PGAP6: variants seen among roughly 807,000 people sequenced by gnomAD.
PGAP6 encodes post-GPI attachment to proteins factor 6.
A neutral mutation model predicts 68.4 loss-of-function variants in PGAP6; 62 were observed. That is an observed-to-expected ratio of 0.91 (90% confidence interval 0.74 to 1.12). PGAP6 has a LOEUF of 1.12. Among genes scored for constraint, PGAP6 ranks in the 50% most tolerant of loss-of-function variants. The probability of loss-of-function intolerance (pLI) is 0.00; values close to 1 mark genes in which losing one functional copy is unlikely to be tolerated. For missense variants in PGAP6, 1,188 were observed against 1,068.5 expected (o/e 1.11, Z -1.56); for synonymous variants, 575 against 474.0 (o/e 1.21, Z -2.77).
chr16:377,105 G>C lies in PGAP6; in HGVS notation c.567C>G (p.Val189=). 9 of 1,613,608 alleles carry C rather than the reference G, an allele frequency of 5.6e-6. No homozygotes were observed. Among genetic ancestry groups the C allele is most frequent in the Non-Finnish European group, 7.6e-6 (9 of 1,180,012 alleles). Residue 189 remains valine, a synonymous_variant, in exon 4 of 13, where the codon GTC becomes GTG. Transcript: ENST00000431232. ...FQPELLVTRV[V]EISIMEPDVP... ...CGTCCGGCTCCATGATGGAAATCTC[G>C]ACCACCCGCGTGACCAGCAGTTCAG...
chr16:373,284 C>T (rs1398557759), intron 11 of PGAP6, among the ~76,000 whole-genome samples: 1 of 152,268 alleles, frequency 6.6e-6, no homozygotes, highest in African/African-American at 2.4e-5. Flanking sequence ...CTGCAGTTCC[C>T]AGAGCAGATG....
At chr16:377,271 G>A in intron 3 of PGAP6, 107 bp from the exon 4 acceptor site, 10 of 1,585,020 alleles carry the variant, frequency 6.3e-6, no homozygotes, top group Non-Finnish European at 1.7e-6. Flanking sequence ...TGGCCCCAGA[G>A]TGCAGCGTGG....
chr16:372,419 C>A, intron 12 of PGAP6, 136 bp from the exon 13 acceptor site: 1 of 1,069,086 alleles, frequency 9.4e-7, no homozygotes, highest in African/African-American at 1.6e-5. Context: ...TTCGAGGGGG[C>A]TCAAGGCCAC....
intron 6 of PGAP6, among the ~76,000 whole-genome samples, 174 bp downstream of exon 6, chr16:375,962 G>C (rs147536969): frequency 6.6e-6 from 1 of 152,042 alleles, no homozygotes; most frequent in South Asian, 2.1e-4. Flanking sequence ...CCTGTTGACA[G>C]GAACAAGGCT....
upstream of PGAP6, chr16:382,543 C>T (rs558365524): frequency 2.3e-3 from 731 of 324,888 alleles, 1 homozygote; most frequent in Non-Finnish European, 3.5e-3. Context: ...GACTGTAGTA[C>T]CCGATCGGGG....
At chr16:381,539 G>A (rs2141767863) in intron 1 of PGAP6, among the ~76,000 whole-genome samples, 162 bp downstream of exon 1, 1 of 152,140 alleles carries the variant, frequency 6.6e-6, no homozygotes, top group South Asian at 2.1e-4. Flanking sequence ...CCTAGGACAC[G>A]AAGCGCCCCA....
rs748009065 is a variant in PGAP6 at position 372,250 on chromosome 16, G to C, written c.2053C>G (p.Pro685Ala). The C allele has an allele frequency of 5.0e-6, 8 of 1,611,540 alleles. No individual in the cohort carries two copies. Among genetic ancestry groups the C allele is most frequent in the Non-Finnish European group, 6.8e-6 (8 of 1,179,872 alleles). The part of the protein sequence containing the change: ...YRCGHRRQCY[P>A]TSWQRWAFYL... ...AAGGCCCAGCGCTGCCACGAGGTGG[G>C]GTAGCACTGGCGCCGGTGCCCGCAG... Residue 685 changes from proline to alanine, a missense_variant, in exon 13 of 13, where the codon CCC becomes GCC. By Grantham distance (27) the Pro-to-Ala change is conservative (BLOSUM62 -1). Transcript: ENST00000431232.
chr16:379,961 A>T (rs544140067), intron 1 of PGAP6, among the ~76,000 whole-genome samples: 201 of 152,346 alleles, frequency 1.3e-3, no homozygotes, highest in African/African-American at 4.7e-3. Flanking sequence ...TGGTAATGCA[A>T]GTCCCTGGCC....
intron 1 of PGAP6, 88 bp downstream of exon 1, chr16:381,613 G>C: frequency 1.9e-6 from 2 of 1,046,332 alleles, no homozygotes; most frequent in Non-Finnish European, 2.4e-6. Context: ...CGCCAGATGA[G>C]CGCACAGGTG....
upstream of PGAP6, among the ~76,000 whole-genome samples, chr16:383,078 C>T (rs11864644): frequency 0.2 from 30,493 of 151,920 alleles, 4,852 homozygotes; most frequent in African/African-American, 0.44. Context: ...ATCGCGCCAC[C>T]GCACTCCAGC....
upstream of PGAP6, among the ~76,000 whole-genome samples, chr16:384,925 G>T (rs558001544): frequency 2.0e-5 from 3 of 151,748 alleles, no homozygotes; most frequent in Non-Finnish European, 4.4e-5. Context: ...CACTTTGGGA[G>T]GCTAAGGTGG....
rs2054336714 is a variant in PGAP6, at chr16:371,961, G to A, written c.*26C>T. On this transcript the variant is annotated 3_prime_UTR_variant, in exon 13 of 13. Transcript: ENST00000431232. ...CAGCTCCTGGCTGAAGAGGTCATCA[G>A]AGCAGCAGCTGTCCCCAGGCCAGTG... 1 of 1,600,534 alleles carries A rather than the reference G, an allele frequency of 6.2e-7. No homozygotes were observed. The highest frequency in any genetic ancestry group is 8.5e-7 in the Non-Finnish European group (1 of 1,172,802).
chr16:375,547 T>TC, intron 6 of PGAP6, 112 bp from the exon 7 acceptor site: 1 of 884,706 alleles, frequency 1.1e-6, no homozygotes, highest in Non-Finnish European at 1.8e-6. Flanking sequence ...TTTTTTTTTT[T>TC]TCTGAGATGG....
Position 370,901 on chromosome 16 carries a change from T to C in PGAP6, c.*1086A>G, listed in dbSNP as rs1471566586. 6.6e-6 allele frequency: 1 copy of C among 152,280 alleles called. No individual in the cohort carries two copies. Among genetic ancestry groups the C allele is most frequent in the East Asian group, 1.9e-4 (1 of 5,202 alleles). 9.4% of individuals were successfully genotyped at this position (152,280 alleles called of 1,614,324 possible). ...TTTTCCTTTACTCCAAAAAACCCCA[T>C]ATATATATGTTTCTCCTTTATAAGC... On this transcript the variant is annotated 3_prime_UTR_variant, in exon 13 of 13. Coordinates refer to ENST00000431232, the MANE Select transcript of PGAP6 (RefSeq NM_021259.3).
Position 371,393 on chromosome 16 carries a change from AG to A in PGAP6, c.*593del, listed in dbSNP as rs1345198646. 1 of 143,282 alleles carries A rather than the reference AG, an allele frequency of 7.0e-6. No individual in the cohort carries two copies. The highest frequency in any genetic ancestry group is 1.5e-5 in the Non-Finnish European group (1 of 65,376). 8.9% of individuals were successfully genotyped at this position (143,282 alleles called of 1,614,324 possible). ...ACCCAAGGCTCCAGAGCCAGGAAAA[AG>A]GGAGGGGCGGGGCGGGAGCCTGCAT... On this transcript the variant is annotated 3_prime_UTR_variant, in exon 13 of 13. Coordinates refer to ENST00000431232, the MANE Select transcript of PGAP6 (RefSeq NM_021259.3).
At chr16:372,584 G>A in intron 12 of PGAP6, 27 bp downstream of exon 12, 3 of 1,553,002 alleles carry the variant, frequency 1.9e-6, no homozygotes, top group Non-Finnish European at 2.7e-6. Flanking sequence ...CACCTGGGCA[G>A]CAGTGCCAGC....
chr16:373,556 T>A (rs1416184765), intron 11 of PGAP6, among the ~76,000 whole-genome samples: 3 of 151,474 alleles, frequency 2.0e-5, no homozygotes, highest in Non-Finnish European at 4.4e-5. Flanking sequence ...AGACATGAGG[T>A]TTCTTTTCTT....
At chr16:381,469 T>C in intron 1 of PGAP6, among the ~76,000 whole-genome samples, 1 of 151,986 alleles carries the variant, frequency 6.6e-6, no homozygotes, top group East Asian at 1.9e-4. Context: ...CAGGGGCCGA[T>C]GTGGCCCAAC....
At chr16:375,592 C>G (rs1291966281) in intron 6 of PGAP6, among the ~76,000 whole-genome samples, 157 bp from the exon 7 acceptor site, 13 of 150,820 alleles carry the variant, frequency 8.6e-5, no homozygotes, top group African/African-American at 3.2e-4. Context: ...GAGGGCAGTG[C>G]CGCGATCTCG....
Sources: allele counts gnomAD v4.1 joint callset (sites outside exome capture counted in the v4.1 genomes callset), GRCh38; gene constraint gnomAD v4.1.1; transcripts MANE v1.5; gene names NCBI Gene and HGNC (gene_info 2026-07-23, HGNC 2026-07-21).